ZFHX3: variants seen among roughly 807,000 people sequenced by gnomAD.
ZFHX3 encodes the protein zinc finger homeobox protein 3.
In ZFHX3, 42 loss-of-function variants were observed where a neutral mutation model predicts 279.1. The observed-to-expected ratio is 0.15, with a 90% CI of 0.12 to 0.19. The LOEUF (loss-of-function observed/expected upper bound fraction) is 0.19. ZFHX3 is among the 10% of genes least tolerant of loss of function. The pLI is 1.00. For synonymous variants in ZFHX3, 2,293 were observed against 1,957.8 expected (o/e 1.17, Z -4.52); for missense variants, 4,981 against 4,754.0 (o/e 1.05, Z -1.40).
intron 1 of ZFHX3, among the ~76,000 whole-genome samples, chr16:73,891,431 TAG>T (rs1371135225): frequency 1.3e-5 from 2 of 151,858 alleles, no homozygotes; most frequent in African/African-American, 4.8e-5. Context: ...GGGAAGAAGT[TAG>T]GTAGCTCCCC....
chr16:72,945,511 A>C (rs1343186260), intron 3 of ZFHX3, among the ~76,000 whole-genome samples: 1 of 152,086 alleles, frequency 6.6e-6, no homozygotes, highest in African/African-American at 2.4e-5. Context: ...GCTCCAGGAG[A>C]AGGAGGGCAT....
chr16:73,479,528 C>T (rs1193205199), intron 2 of ZFHX3, among the ~76,000 whole-genome samples: 2 of 152,188 alleles, frequency 1.3e-5, no homozygotes, highest in African/African-American at 2.4e-5. Context: ...CTCTGGGCTG[C>T]ACTCCTGAGA....
chr16:73,045,462 C>T (rs1156721779), intron 1 of ZFHX3, among the ~76,000 whole-genome samples: 1 of 152,142 alleles, frequency 6.6e-6, no homozygotes, highest in Non-Finnish European at 1.5e-5. Context: ...AACCTCAAAG[C>T]AGCAAGAAGG....
At chr16:73,251,848 T>TAAACACCGCACAC (rs2013506436) in intron 5 of ZFHX3, among the ~76,000 whole-genome samples, 1 of 52,594 alleles carries the variant, frequency 1.9e-5, no homozygotes, top group Admixed American at 2.2e-4. Flanking sequence ...CACACGCACA[T>TAAACACCGCACAC]ACACACCGCA....
chr16:73,477,393 G>A (rs1386860534), intron 2 of ZFHX3, among the ~76,000 whole-genome samples: 1 of 152,136 alleles, frequency 6.6e-6, no homozygotes, highest in Non-Finnish European at 1.5e-5. Flanking sequence ...TGGAGCTGAT[G>A]GCTGCCAAAA....
intron 3 of ZFHX3, among the ~76,000 whole-genome samples, chr16:73,380,069 A>G (rs549582206): frequency 2.2e-4 from 33 of 152,346 alleles, no homozygotes; most frequent in Admixed American, 9.8e-4. Context: ...GCACAAGAGA[A>G]AGCAAAAGTA....
intron 3 of ZFHX3, among the ~76,000 whole-genome samples, chr16:73,377,927 G>T (rs7188623): frequency 0.022 from 3,355 of 149,998 alleles, 130 homozygotes; most frequent in African/African-American, 0.078. Flanking sequence ...CAGCTACTCA[G>T]GAGGCTGGGG....
chr16:73,517,429 T>A (rs1249343366), intron 2 of ZFHX3, among the ~76,000 whole-genome samples: 2 of 152,196 alleles, frequency 1.3e-5, no homozygotes, highest in Non-Finnish European at 2.9e-5. Flanking sequence ...TCCCTTCTCA[T>A]TGACCTTTGC....
intron 3 of ZFHX3, among the ~76,000 whole-genome samples, chr16:72,947,665 C>T (rs573431873): frequency 2.0e-5 from 3 of 152,120 alleles, no homozygotes; most frequent in South Asian, 2.1e-4. Flanking sequence ...TTTGGAGAGC[C>T]GCCCTGGCTG....
At chr16:73,469,969 A>G (rs1462841970) in intron 2 of ZFHX3, among the ~76,000 whole-genome samples, 2 of 152,168 alleles carry the variant, frequency 1.3e-5, no homozygotes, top group East Asian at 1.9e-4. Flanking sequence ...GGGATTTTTC[A>G]GAACTCCCAA....
At position 73,611,203 on chromosome 16, in the gene ZFHX3, C is replaced by G. The variant is rs2052242075; in HGVS notation, c.-1547+68977G>C. Among the ~76,000 whole-genome samples the G allele has an allele frequency of 3.3e-5, 5 of 152,148 alleles. No individual in the cohort carries two copies. The South Asian group carries it at 1.0e-3, about 32-fold the overall frequency. On this transcript the variant is annotated intron_variant, in intron 2 of 17. Coordinates refer to the ZFHX3 transcript ENST00000641206. ...GTCCACAAGCTTCCCGGGTTCTTCT[C>G]AGATAGGCAGGACAATCATTTATTC...
intron 1 of ZFHX3, among the ~76,000 whole-genome samples, chr16:73,771,478 G>A (rs990504600): frequency 1.3e-5 from 2 of 152,196 alleles, no homozygotes; most frequent in Admixed American, 1.3e-4. Context: ...TAAAGCAATG[G>A]TCAGTAAGGA....
intron 3 of ZFHX3, among the ~76,000 whole-genome samples, chr16:72,918,906 C>T (rs2144225770): frequency 6.6e-6 from 1 of 152,124 alleles, no homozygotes; most frequent in African/African-American, 2.4e-5. Context: ...CTGTGTTAGC[C>T]AGGATGGTCT....
At chr16:73,378,867 C>T (rs146511314) in intron 3 of ZFHX3, among the ~76,000 whole-genome samples, 1 of 152,304 alleles carries the variant, frequency 6.6e-6, no homozygotes, top group African/African-American at 2.4e-5. Flanking sequence ...TCACCTCTGA[C>T]CTTCCGAGAT....
chr16:73,744,795 TTCC>T (rs994211328), intron 1 of ZFHX3, among the ~76,000 whole-genome samples: 5 of 152,194 alleles, frequency 3.3e-5, no homozygotes, highest in Non-Finnish European at 7.3e-5. Context: ...CTTTAAAAAT[TTCC>T]TCGTGTTATT....
chr16:73,494,616 A>G (rs1011263802), intron 2 of ZFHX3, among the ~76,000 whole-genome samples: 2 of 152,116 alleles, frequency 1.3e-5, no homozygotes, highest in Non-Finnish European at 2.9e-5. Context: ...GCTGGAGTGC[A>G]ATGGTGTGAT....
chr16:73,347,272 C>T (rs966339019), intron 3 of ZFHX3, among the ~76,000 whole-genome samples: 1 of 152,270 alleles, frequency 6.6e-6, no homozygotes, highest in African/African-American at 2.4e-5. Context: ...GGAGTATCCT[C>T]AGCCCGGAGG....
intron 1 of ZFHX3, among the ~76,000 whole-genome samples, chr16:73,726,992 C>T (rs1385505813): frequency 6.6e-6 from 1 of 152,184 alleles, no homozygotes; most frequent in South Asian, 2.1e-4. Flanking sequence ...AGGGCAAAAT[C>T]ATTCCCTATT....
At chr16:73,728,059 C>T (rs1352176891) in intron 1 of ZFHX3, among the ~76,000 whole-genome samples, 1 of 118,964 alleles carries the variant, frequency 8.4e-6, no homozygotes, top group African/African-American at 3.1e-5. Context: ...AGTTGTAACT[C>T]CCAGCATCTA....
Sources: gnomAD v4.1 joint callset for allele counts (sites outside exome capture counted in the v4.1 genomes callset) on GRCh38, gnomAD v4.1.1 for gene constraint, MANE v1.5 for transcripts, NCBI Gene and HGNC (gene_info 2026-07-23, HGNC 2026-07-21) for gene names.